Variants in ST8SIA6 observed in about 807,000 individuals in gnomAD.
The protein encoded by ST8SIA6 is alpha-2,8-sialyltransferase 8F.
In ST8SIA6, 39 loss-of-function variants were observed where a neutral mutation model predicts 33.6. The observed-to-expected ratio is 1.16, with a 90% confidence interval of 0.90 to 1.52. The LOEUF is 1.52. Ranked by LOEUF, ST8SIA6 falls within the 40% of genes most tolerant of loss-of-function variation. The pLI is 0.00. For missense variants in ST8SIA6, 441 were observed against 443.8 expected (o/e 0.99, Z 0.06); for synonymous variants, 172 against 167.2 (o/e 1.03, Z -0.22).
chr10:17,393,068 G>A (rs114849114), intron 2 of ST8SIA6, among the ~76,000 whole-genome samples: 2 of 152,322 alleles, frequency 1.3e-5, no homozygotes, highest in East Asian at 1.9e-4. Flanking sequence ...GAACAAAAAA[G>A]TGGAGGAAGG....
chr10:17,338,956 A>G (rs561001789), intron 4 of ST8SIA6, among the ~76,000 whole-genome samples: 147 of 152,216 alleles, frequency 9.7e-4, no homozygotes, highest in Non-Finnish European at 2.0e-3. Flanking sequence ...TTCAAGGAGT[A>G]GGTTGGTTCT....
intron 5 of ST8SIA6, among the ~76,000 whole-genome samples, chr10:17,327,569 G>C (rs1848173569): frequency 6.6e-6 from 1 of 152,016 alleles, no homozygotes; most frequent in African/African-American, 2.4e-5. Flanking sequence ...CTGGGCAACA[G>C]AATGAGACTC....
At chr10:17,340,257 CCCCTGGTCACCTGCTTCGTCCTGAGTCA>C (rs1324881064) in intron 4 of ST8SIA6, among the ~76,000 whole-genome samples, 3 of 152,172 alleles carry the variant, frequency 2.0e-5, no homozygotes, top group East Asian at 1.9e-4. Context: ...CACATCTGTT[CCCCTGGTCACCTGCTTCGTCCTGAGTCA>C]CCCTGGTCAC....
At chr10:17,325,728 T>C (rs1848111778) in intron 6 of ST8SIA6, among the ~76,000 whole-genome samples, 1 of 152,144 alleles carries the variant, frequency 6.6e-6, no homozygotes, top group Non-Finnish European at 1.5e-5. Context: ...ATTTTGCCTT[T>C]CAGTTCAAAT....
Position 17,333,717 on chromosome 10 carries a change from A to ATATATAGATATATATATATATTTTTTTT in ST8SIA6, c.378-2166_378-2165insAAAAAAAATATATATATATATCTATATA, listed in dbSNP as rs1251981910. On this transcript the variant is annotated intron_variant, in intron 4 of 7. Transcript: ENST00000377602. The stretch of plus-strand genomic sequence containing the variant: ...TATATATATATATATATATATATAT[A>ATATATAGATATATATATATATTTTTTTT]TTTTTTTTTTTTTTTTTTTTTTTTG... Among the ~76,000 whole-genome samples the ATATATAGATATATATATATATTTTTTTT allele has an allele frequency of 1.5e-4, 5 of 33,754 alleles. 1 individual carries two copies. Among genetic ancestry groups the ATATATAGATATATATATATATTTTTTTT allele is most frequent in the African/African-American group, 8.7e-4 (5 of 5,726 alleles). 22.1% of individuals were successfully genotyped at this position (33,754 alleles called of 152,430 possible). A position where few individuals can be genotyped will look rare whatever the true frequency, so the allele number is the denominator to read the frequency against.
chr10:17,402,614 G>A (rs1851089088), intron 2 of ST8SIA6, among the ~76,000 whole-genome samples: 1 of 152,176 alleles, frequency 6.6e-6, no homozygotes, highest in Non-Finnish European at 1.5e-5. Context: ...ACGAGTTCAT[G>A]TCCTTTGTAG....
chr10:17,335,342 A>T (rs1330577994), intron 4 of ST8SIA6, among the ~76,000 whole-genome samples: 1 of 152,216 alleles, frequency 6.6e-6, no homozygotes, highest in Non-Finnish European at 1.5e-5. Flanking sequence ...TTATTGGTTT[A>T]GTCCTGAAAA....
chr10:17,399,489 A>G (rs1260224990), intron 2 of ST8SIA6, among the ~76,000 whole-genome samples: 2 of 152,198 alleles, frequency 1.3e-5, no homozygotes, highest in Admixed American at 1.3e-4. Context: ...AATGTCTGCA[A>G]ATAGTATCTG....
At chr10:17,350,926 G>T (rs1849010149) in intron 4 of ST8SIA6, among the ~76,000 whole-genome samples, 1 of 152,156 alleles carries the variant, frequency 6.6e-6, no homozygotes, top group South Asian at 2.1e-4. Context: ...TGTACATTTA[G>T]AATCAGAAAG....
At chr10:17,396,186 C>G (rs777033654) in intron 2 of ST8SIA6, among the ~76,000 whole-genome samples, 2 of 152,184 alleles carry the variant, frequency 1.3e-5, no homozygotes, top group African/African-American at 4.8e-5. Flanking sequence ...TTTGTCACAT[C>G]TTGACAGCCC....
At chr10:17,345,548 G>A in intron 4 of ST8SIA6, among the ~76,000 whole-genome samples, 1 of 150,324 alleles carries the variant, frequency 6.7e-6, no homozygotes, top group Non-Finnish European at 1.5e-5. Flanking sequence ...AAGCAGGAAG[G>A]AGGGAATGTG....
At chr10:17,336,729 G>T (rs1848511100) in intron 4 of ST8SIA6, among the ~76,000 whole-genome samples, 1 of 150,836 alleles carries the variant, frequency 6.6e-6, no homozygotes, top group Non-Finnish European at 1.5e-5. Flanking sequence ...GAATAGATGT[G>T]ATTACAGGTG....
chr10:17,429,352 C>A (rs1852031236), intron 2 of ST8SIA6, among the ~76,000 whole-genome samples: 1 of 151,970 alleles, frequency 6.6e-6, no homozygotes, highest in Admixed American at 6.6e-5. Context: ...CACTCTGTTG[C>A]CCAGGCTGGA....
At chr10:17,331,030 G>A (rs1055045597) in intron 5 of ST8SIA6, among the ~76,000 whole-genome samples, 2 of 152,080 alleles carry the variant, frequency 1.3e-5, no homozygotes, top group Admixed American at 6.6e-5. Context: ...CCACATAAAC[G>A]CACCGTTCCT....
intron 3 of ST8SIA6, among the ~76,000 whole-genome samples, chr10:17,369,831 A>C (rs912350719): frequency 1.2e-4 from 19 of 152,112 alleles, no homozygotes; most frequent in African/African-American, 4.6e-4. Flanking sequence ...ATTCTGTCTG[A>C]TATCAGTAGA....
chr10:17,335,871 T>C (rs1032148849), intron 4 of ST8SIA6, among the ~76,000 whole-genome samples: 1 of 152,200 alleles, frequency 6.6e-6, no homozygotes, highest in Non-Finnish European at 1.5e-5. Flanking sequence ...TCTAAGGATA[T>C]TCAATGCCCT....
intron 2 of ST8SIA6, among the ~76,000 whole-genome samples, chr10:17,443,903 C>G (rs940339518): frequency 5.3e-5 from 8 of 152,158 alleles, no homozygotes; most frequent in Admixed American, 2.6e-4. Context: ...TTACAGAACC[C>G]TCGCACCCTT....
intron 2 of ST8SIA6, among the ~76,000 whole-genome samples, chr10:17,412,530 C>G (rs2131696598): frequency 6.6e-6 from 1 of 152,284 alleles, no homozygotes; most frequent in South Asian, 2.1e-4. Context: ...CCTGCGTGAG[C>G]TCCACTTGGC....
At chr10:17,401,463 G>A (rs930626339) in intron 2 of ST8SIA6, among the ~76,000 whole-genome samples, 52 of 152,200 alleles carry the variant, frequency 3.4e-4, no homozygotes, top group African/African-American at 1.1e-3. Context: ...AAACGAGCCC[G>A]CATTGCCAAG....
Sources: gnomAD v4.1 joint callset for allele counts (sites outside exome capture counted in the v4.1 genomes callset) on GRCh38, gnomAD v4.1.1 for gene constraint, MANE v1.5 for transcripts, NCBI Gene and HGNC (gene_info 2026-07-23, HGNC 2026-07-21) for gene names.